The following HMGCLL1 variants were observed in gnomAD, a reference collection of about 807,000 sequenced individuals.
HMGCLL1 encodes 3-hydroxy-3-methylglutaryl-CoA lyase like 1.
Under a neutral mutation model 39.1 loss-of-function variants are expected in HMGCLL1, and 36 were observed. The observed-to-expected ratio is 0.92, with a 90% CI of 0.71 to 1.22. The LOEUF is 1.22. Among genes scored for constraint, HMGCLL1 ranks in the 50% most tolerant of loss-of-function variants. The pLI, the probability that HMGCLL1 is intolerant of heterozygous loss-of-function variation, is 0.00. For synonymous variants in HMGCLL1, 149 were observed against 144.0 expected, an observed-to-expected ratio of 1.03 and a Z score of -0.25; for missense variants, 451 against 416.5, an observed-to-expected ratio of 1.08 and a Z score of -0.72.
intron 7 of HMGCLL1, among the ~76,000 whole-genome samples, chr6:55,477,657 G>T (rs1765529274): frequency 6.8e-6 from 1 of 147,022 alleles, no homozygotes; most frequent in African/African-American, 2.6e-5. Context: ...GTTTATATAT[G>T]TTATATAACC....
chr6:55,660,223 A>G, the HMGCLL1 span, among the ~76,000 whole-genome samples: 1 of 151,734 alleles, frequency 6.6e-6, no homozygotes, highest in Non-Finnish European at 1.5e-5. Flanking sequence ...ATTATATTTA[A>G]CTTTTATTTT....
the HMGCLL1 span, among the ~76,000 whole-genome samples, chr6:55,651,797 G>C: frequency 6.6e-6 from 1 of 152,062 alleles, no homozygotes; most frequent in Non-Finnish European, 1.5e-5. Context: ...TTCTGACTAG[G>C]GCTGGTCTAA....
chr6:55,531,627 C>G (rs1768682816), intron 3 of HMGCLL1, among the ~76,000 whole-genome samples: 1 of 152,130 alleles, frequency 6.6e-6, no homozygotes, highest in South Asian at 2.1e-4. Context: ...CAGTACTGGT[C>G]TGTGGCTGGT....
At position 55,542,083 on chromosome 6, in the gene HMGCLL1, T is replaced by A. The variant is rs201603961; in HGVS notation, c.166A>T (p.Arg56Trp). 1.6e-4 allele frequency: 258 copies of A among 1,609,270 alleles called. No individual in the cohort carries two copies. Among genetic ancestry groups the A allele is most frequent in the Non-Finnish European group, 1.6e-4 (185 of 1,176,570 alleles). Residue 56 changes from arginine (R) to tryptophan (W), a missense_variant, in exon 2 of 9, where the codon AGG becomes TGG. Transcript: ENST00000274901. ...ACCTTTTCATTCTGCAATCCATCCC[T>A]AGGCCCAACTTCTACTATTTTAACA... ...EFVKIVEVGP[R>W]DGLQNEKVIV...
the HMGCLL1 span, among the ~76,000 whole-genome samples, chr6:55,662,369 G>T: frequency 6.6e-6 from 1 of 151,424 alleles, no homozygotes; most frequent in South Asian, 2.1e-4. Context: ...TTCAATGCTA[G>T]TTTACCAAGA....
At chr6:55,460,113 C>A (rs188951775) in intron 7 of HMGCLL1, among the ~76,000 whole-genome samples, 139 of 151,986 alleles carry the variant, frequency 9.1e-4, no homozygotes, top group Admixed American at 2.7e-3. Context: ...GAATATATAT[C>A]AAGGGTTTTG....
At chr6:55,617,887 T>C in the HMGCLL1 span, among the ~76,000 whole-genome samples, 14 of 151,908 alleles carry the variant, frequency 9.2e-5, no homozygotes, top group Non-Finnish European at 1.9e-4. Flanking sequence ...CAAATATCCA[T>C]CATAGGTAGA....
intron 7 of HMGCLL1, among the ~76,000 whole-genome samples, chr6:55,480,712 GC>G (rs1765695843): frequency 6.6e-6 from 1 of 151,740 alleles, no homozygotes; most frequent in Non-Finnish European, 1.5e-5. Context: ...ATTCACAATA[GC>G]CAAGATTTGG....
At chr6:55,615,769 T>A in the HMGCLL1 span, among the ~76,000 whole-genome samples, 2 of 152,136 alleles carry the variant, frequency 1.3e-5, no homozygotes, top group Non-Finnish European at 2.9e-5. Context: ...GTCTACATAA[T>A]GAGACAACTT....
intron 5 of HMGCLL1, chr6:55,513,488 C>CA (rs1767571946): frequency 6.6e-6 from 1 of 152,230 alleles, no homozygotes; most frequent in Non-Finnish European, 1.5e-5. Flanking sequence ...TATTTTTAAA[C>CA]AGTGTTCTGC....
intron 7 of HMGCLL1, among the ~76,000 whole-genome samples, chr6:55,446,560 G>T (rs1485077159): frequency 6.6e-6 from 1 of 151,730 alleles, no homozygotes; most frequent in African/African-American, 2.4e-5. Flanking sequence ...CTGGAGGAGA[G>T]CAAATTGCCT....
chr6:55,636,370 G>A, the HMGCLL1 span, among the ~76,000 whole-genome samples: 6 of 152,252 alleles, frequency 3.9e-5, no homozygotes, highest in Admixed American at 2.0e-4. Flanking sequence ...TATGAAAAAT[G>A]AGTAAAATGT....
At chr6:55,523,090 T>C (rs561814829) in intron 3 of HMGCLL1, among the ~76,000 whole-genome samples, 1 of 152,100 alleles carries the variant, frequency 6.6e-6, no homozygotes, top group Non-Finnish European at 1.5e-5. Context: ...CCCTTTTCCC[T>C]GACCTGGTCA....
intron 1 of HMGCLL1, among the ~76,000 whole-genome samples, chr6:55,547,125 T>C (rs1196564466): frequency 6.6e-6 from 1 of 152,076 alleles, no homozygotes; most frequent in Non-Finnish European, 1.5e-5. Flanking sequence ...GCTCTTATTC[T>C]AGTTTTCTTT....
At chr6:55,531,929 T>C (rs554281591) in intron 3 of HMGCLL1, among the ~76,000 whole-genome samples, 19 of 152,214 alleles carry the variant, frequency 1.2e-4, no homozygotes, top group East Asian at 1.9e-4. Context: ...TAGTGAGTTG[T>C]ATAATTATTT....
the HMGCLL1 span, among the ~76,000 whole-genome samples, chr6:55,647,254 C>CT: frequency 6.6e-6 from 1 of 151,668 alleles, no homozygotes. Flanking sequence ...CACAGAATGT[C>CT]TTTTTTTATC....
chr6:55,465,820 G>C (rs937212102), intron 7 of HMGCLL1, among the ~76,000 whole-genome samples: 23 of 151,976 alleles, frequency 1.5e-4, no homozygotes, highest in African/African-American at 5.3e-4. Flanking sequence ...ATTCTTAAGA[G>C]ATTCCATTTT....
the HMGCLL1 span, among the ~76,000 whole-genome samples, chr6:55,637,570 T>C: frequency 6.6e-6 from 1 of 152,090 alleles, no homozygotes; most frequent in Non-Finnish European, 1.5e-5. Flanking sequence ...AAAACAATGG[T>C]CTCTCTTAAT....
the HMGCLL1 span, among the ~76,000 whole-genome samples, chr6:55,620,445 A>G: frequency 1.5e-3 from 221 of 152,230 alleles, no homozygotes; most frequent in Non-Finnish European, 2.9e-3. Flanking sequence ...CTGATAATCA[A>G]TAATGTTGAG....
Sources: gnomAD v4.1 joint callset for allele counts (sites outside exome capture counted in the v4.1 genomes callset) on GRCh38, gnomAD v4.1.1 for gene constraint, MANE v1.5 for transcripts, NCBI Gene and HGNC (gene_info 2026-07-23, HGNC 2026-07-21) for gene names.